The following NTRK3 variants were observed in gnomAD, a reference collection of about 807,000 sequenced individuals.
NTRK3 encodes the protein neurotrophic receptor tyrosine kinase 3.
NTRK3 carries 24 observed loss-of-function variants against 91.7 expected under a neutral mutation model. The observed-to-expected ratio is 0.26, with a 90% CI of 0.19 to 0.37. The LOEUF (loss-of-function observed/expected upper bound fraction) is 0.37. Ranked by LOEUF, NTRK3 falls within the 10% of genes least tolerant of loss-of-function variation. The pLI is 1.00. For missense variants in NTRK3, 880 were observed against 1,068.9 expected (o/e 0.82, Z 2.46); for synonymous variants, 483 against 404.0 (o/e 1.20, Z -2.34).
Position 87,908,756 on chromosome 15 carries a change from G to A in NTRK3, c.2133+20435C>T, listed in dbSNP as rs186004090. ...TCATTAGGGAGGACAGCGGAAGACCGCAGCAACCCACCTTCAAGGCCCTTA... is the reference window on the plus strand; with the variant it reads ...TCATTAGGGAGGACAGCGGAAGACCACAGCAACCCACCTTCAAGGCCCTTA... On this transcript the variant is annotated intron_variant, in intron 17 of 18. Transcript: ENST00000394480. Among the ~76,000 whole-genome samples, 50 of 152,250 alleles carry A rather than the reference G, an allele frequency of 3.3e-4. 1 individual carries two copies. The East Asian group carries it at 8.5e-3, about 26-fold the overall frequency.
In NTRK3 at chr15:88,243,066, C is replaced by T. The variant is rs190358777; in HGVS notation, c.248+12840G>A. Reference sequence around the variant, plus strand: ...TAAAAATTAGGCCCTTCTTTCCACCCTCTTCCTTCAACACCAGGGACTTTG... The same window carrying T: ...TAAAAATTAGGCCCTTCTTTCCACCTTCTTCCTTCAACACCAGGGACTTTG... On this transcript the variant is annotated intron_variant, in intron 3 of 18. Coordinates refer to ENST00000394480, the Ensembl canonical transcript of NTRK3. This position sits in a 1 kb window ranked among gnomAD's most constrained non-coding sequence, Gnocchi z 4.8. Among the ~76,000 whole-genome samples, 114 of 152,314 alleles carry T rather than the reference C, an allele frequency of 7.5e-4. 2 individuals are homozygous for T. The East Asian group carries it at 0.019, about 25-fold the overall frequency.
At chr15:87,886,564 G>T (rs1187383269) in intron 17 of NTRK3, among the ~76,000 whole-genome samples, 1 of 150,736 alleles carries the variant, frequency 6.6e-6, no homozygotes, top group East Asian at 1.9e-4. Context: ...CAAATATATA[G>T]TGATACCATG....
intron 13 of NTRK3, among the ~76,000 whole-genome samples, chr15:88,045,885 T>G (rs2080138471): frequency 6.6e-6 from 1 of 152,256 alleles, no homozygotes; most frequent in South Asian, 2.1e-4. Flanking sequence ...TCAGTCAAAT[T>G]AGATCAAGGG....
intron 17 of NTRK3, among the ~76,000 whole-genome samples, chr15:87,914,659 T>G (rs997422199): frequency 2.6e-5 from 4 of 152,204 alleles, no homozygotes; most frequent in African/African-American, 9.6e-5. Flanking sequence ...GGAACAAACA[T>G]GTACCCAAGT....
At chr15:88,171,016 G>T (rs1373060163) in intron 5 of NTRK3, among the ~76,000 whole-genome samples, 1 of 152,246 alleles carries the variant, frequency 6.6e-6, no homozygotes, top group East Asian at 1.9e-4. Context: ...GAGTTATCCT[G>T]GGTGGAGACT....
intron 13 of NTRK3, among the ~76,000 whole-genome samples, chr15:88,042,909 G>A (rs903225008): frequency 6.6e-6 from 1 of 152,198 alleles, no homozygotes; most frequent in Non-Finnish European, 1.5e-5. Flanking sequence ...TCATTTCACT[G>A]CAGCACCTTG....
chr15:88,011,725 A>T (rs2076895656), intron 14 of NTRK3, among the ~76,000 whole-genome samples: 1 of 152,168 alleles, frequency 6.6e-6, no homozygotes, highest in Admixed American at 6.5e-5. Context: ...TTCCCACCGC[A>T]CATTACTCTA....
intron 5 of NTRK3, among the ~76,000 whole-genome samples, chr15:88,170,080 T>C (rs2045362671): frequency 6.6e-6 from 1 of 152,166 alleles, no homozygotes; most frequent in South Asian, 2.1e-4. Context: ...TTTGCATGAA[T>C]TCTCCTGAGG....
chr15:88,059,180 G>A (rs1469479965), intron 13 of NTRK3, among the ~76,000 whole-genome samples: 2 of 152,102 alleles, frequency 1.3e-5, no homozygotes, highest in African/African-American at 2.4e-5. Flanking sequence ...GCCACTCCAA[G>A]AATTTGATGA....
Position 87,884,628 on chromosome 15 carries a change from T to TA in NTRK3, c.2134-4201dup, listed in dbSNP as rs568826379. 2.1e-3 allele frequency among the ~76,000 whole-genome samples: 316 copies of TA among 151,878 alleles called. 1 individual carries two copies. The highest frequency in any genetic ancestry group is 7.3e-3 in the African/African-American group (303 of 41,550). ...TAAAATATTTATCAAATCAGCACTA[T>TA]ATTACAAGAATTCCATATTATATAT... On this transcript the variant is annotated intron_variant, in intron 17 of 18. Coordinates refer to ENST00000394480, the Ensembl canonical transcript of NTRK3.
At chr15:87,974,767 G>A (rs2073571390) in intron 14 of NTRK3, among the ~76,000 whole-genome samples, 1 of 152,196 alleles carries the variant, frequency 6.6e-6, no homozygotes, top group Non-Finnish European at 1.5e-5. Context: ...CGTTGCAGAT[G>A]TTCTTTTCCA....
intron 13 of NTRK3, among the ~76,000 whole-genome samples, chr15:88,115,818 C>T (rs900181224): frequency 2.0e-5 from 3 of 152,096 alleles, no homozygotes; most frequent in Non-Finnish European, 4.4e-5. Flanking sequence ...CTGAGGCCGG[C>T]GGGCAGCCCG....
intron 14 of NTRK3, among the ~76,000 whole-genome samples, chr15:87,952,542 C>T (rs992834427): frequency 1.1e-4 from 16 of 152,312 alleles, no homozygotes; most frequent in Middle Eastern, 6.8e-3. Context: ...CCCGTCCCTC[C>T]GTAACTCAGC....
chr15:88,003,296 C>A (rs1185679530), intron 14 of NTRK3, among the ~76,000 whole-genome samples: 1 of 152,152 alleles, frequency 6.6e-6, no homozygotes, highest in Admixed American at 6.5e-5. Context: ...TGTAGACCTG[C>A]TGACCAAAAT....
intron 13 of NTRK3, among the ~76,000 whole-genome samples, chr15:88,092,114 T>C (rs757940299): frequency 2.6e-5 from 4 of 152,246 alleles, no homozygotes; most frequent in Non-Finnish European, 5.9e-5. Flanking sequence ...GCACAGGTTC[T>C]TGAGCAGCTT....
chr15:88,223,565 A>G (rs1263526204), intron 3 of NTRK3, among the ~76,000 whole-genome samples: 1 of 152,226 alleles, frequency 6.6e-6, no homozygotes, highest in Non-Finnish European at 1.5e-5. Flanking sequence ...GCCCTAGGTA[A>G]GGAGGCAGCA....
chr15:87,883,187 G>A (rs12914349), intron 17 of NTRK3, among the ~76,000 whole-genome samples: 76,132 of 149,794 alleles, frequency 0.51, 21,739 homozygotes, highest in Non-Finnish European at 0.65. Context: ...CACGTTGTCT[G>A]TTGTTTCATA....
intron 13 of NTRK3, among the ~76,000 whole-genome samples, chr15:88,063,454 C>G (rs2046385423): frequency 6.6e-6 from 1 of 152,224 alleles, no homozygotes; most frequent in Non-Finnish European, 1.5e-5. Context: ...CCAGAAGCCA[C>G]TTTTCTCAGG....
intron 14 of NTRK3, among the ~76,000 whole-genome samples, chr15:88,031,244 T>C (rs1339691124): frequency 2.6e-5 from 4 of 151,952 alleles, no homozygotes; most frequent in Non-Finnish European, 1.5e-5. Context: ...TGTTCACTAA[T>C]TCAGTGTTCA....
Sources: gnomAD v4.1 joint callset for allele counts (sites outside exome capture counted in the v4.1 genomes callset) on GRCh38, gnomAD v4.1.1 for gene constraint, Gnocchi (gnomAD v3.1) non-coding constraint, MANE v1.5 for transcripts, NCBI Gene and HGNC (gene_info 2026-07-23, HGNC 2026-07-21) for gene names.